Variants in THADA observed in about 807,000 individuals in gnomAD.
THADA encodes tRNA (32-2'-O)-methyltransferase regulator THADA.
THADA carries 213 observed loss-of-function variants against 219.8 expected under a neutral mutation model. That is an observed-to-expected ratio of 0.97 (90% confidence interval 0.87 to 1.09). THADA has a LOEUF of 1.09. Among genes scored for constraint, THADA ranks in the 50% least tolerant of loss-of-function variants. The pLI is 0.00. For synonymous variants in THADA, 1,018 were observed against 828.9 expected (o/e 1.23, Z -3.92); for missense variants, 2,956 against 2,311.3 (o/e 1.28, Z -5.72).
At chr2:43,583,402 A>C (rs1700669303) in intron 7 of THADA, among the ~76,000 whole-genome samples, 1 of 152,210 alleles carries the variant, frequency 6.6e-6, no homozygotes, top group Non-Finnish European at 1.5e-5. Context: ...GGTTATTGCC[A>C]TAGCCTCCTA....
intron 28 of THADA, among the ~76,000 whole-genome samples, chr2:43,421,894 C>A (rs1456419418): frequency 6.6e-6 from 1 of 152,196 alleles, no homozygotes; most frequent in Non-Finnish European, 1.5e-5. Flanking sequence ...ATCCCAACTT[C>A]TTTTCTTTGA....
intron 26 of THADA, among the ~76,000 whole-genome samples, chr2:43,469,209 T>C (rs920025673): frequency 6.6e-6 from 1 of 151,912 alleles, no homozygotes; most frequent in African/African-American, 2.4e-5. Context: ...AACAAAAGCA[T>C]AAAAAGGAAA....
intron 12 of THADA, among the ~76,000 whole-genome samples, 178 bp downstream of exon 12, chr2:43,572,636 T>C (rs17031065): frequency 0.34 from 51,015 of 152,010 alleles, 8,784 homozygotes; most frequent in South Asian, 0.41. Context: ...TCAACTAAAC[T>C]TTCAGTAGCT....
At chr2:43,288,296 T>C (rs550539191) in intron 34 of THADA, among the ~76,000 whole-genome samples, 1 of 152,306 alleles carries the variant, frequency 6.6e-6, no homozygotes, top group East Asian at 1.9e-4. Context: ...CGCGTGCCTG[T>C]AATCCCAGCT....
rs1672342990 is a variant in THADA at position 43,273,279 on chromosome 2, A to G, written c.5296+6486T>C. Among the ~76,000 whole-genome samples, 3 of 152,142 alleles carry G rather than the reference A, an allele frequency of 2.0e-5. No homozygotes were observed. The South Asian group carries it at 6.2e-4, about 31-fold the overall frequency. On this transcript the variant is annotated intron_variant, in intron 36 of 37. Transcript: ENST00000405975. ...ACAACAACAACAACAACAAAAAAAA[A>G]AAAAAGAAGAAAAAGAAATGATGGA...
intron 31 of THADA, among the ~76,000 whole-genome samples, chr2:43,297,669 A>G (rs1339096197): frequency 1.2e-5 from 1 of 84,006 alleles, no homozygotes; most frequent in Non-Finnish European, 2.2e-5. Context: ...AGCCACCCCT[A>G]CTGGGAAGTG....
intron 26 of THADA, among the ~76,000 whole-genome samples, chr2:43,467,699 G>A (rs1003525809): frequency 6.6e-6 from 1 of 152,022 alleles, no homozygotes; most frequent in African/African-American, 2.4e-5. Context: ...GTATAAACTG[G>A]TAAATAAGAA....
chr2:43,575,696 CTAGA>C (rs1329342452), intron 10 of THADA, among the ~76,000 whole-genome samples: 1 of 152,114 alleles, frequency 6.6e-6, no homozygotes, highest in Non-Finnish European at 1.5e-5. Flanking sequence ...GCCCCCATGC[CTAGA>C]TAATTTTTTG....
intron 31 of THADA, among the ~76,000 whole-genome samples, chr2:43,298,606 T>TTAA (rs751570291): frequency 4.1e-5 from 6 of 146,698 alleles, no homozygotes; most frequent in South Asian, 2.1e-4. Context: ...AAAAAAAAAT[T>TTAA]AAAAAAAAAA....
chr2:43,280,056 T>G (rs993309903), intron 35 of THADA, among the ~76,000 whole-genome samples, 160 bp from the exon 36 acceptor site: 1 of 152,126 alleles, frequency 6.6e-6, no homozygotes, highest in African/African-American at 2.4e-5. Context: ...TAGACAAACA[T>G]TGGCAAAGAC....
At chr2:43,433,309 C>T (rs1279628237) in intron 26 of THADA, among the ~76,000 whole-genome samples, 1 of 152,000 alleles carries the variant, frequency 6.6e-6, no homozygotes, top group Non-Finnish European at 1.5e-5. Flanking sequence ...CCGGGTGGAT[C>T]ACCTGAGGTC....
Position 43,392,594 on chromosome 2 carries a change from C to T in THADA, c.4227+5377G>A, listed in dbSNP as rs201144520. On this transcript the variant is annotated intron_variant, in intron 29 of 37. Coordinates refer to ENST00000405975, the MANE Select transcript of THADA (RefSeq NM_022065.5). ...GTAATGCTAAAGTCTACTCCAGTTT[C>T]GGTCTTCATGTGTCCCATCCAGCCC... 1.1e-4 allele frequency among the ~76,000 whole-genome samples: 17 copies of T among 152,194 alleles called. 1 individual carries two copies. The East Asian group carries it at 1.2e-3, about 10-fold the overall frequency.
chr2:43,561,385 A>C (rs1698049093), intron 15 of THADA, among the ~76,000 whole-genome samples: 1 of 152,232 alleles, frequency 6.6e-6, no homozygotes, highest in South Asian at 2.1e-4. Context: ...GAGAAAAAGG[A>C]ATTTCAGCCA....
At chr2:43,278,000 G>A (rs1672921152) in intron 36 of THADA, among the ~76,000 whole-genome samples, 2 of 147,694 alleles carry the variant, frequency 1.4e-5, no homozygotes. Flanking sequence ...ATCCAGGCTG[G>A]AGTACAGTGG....
chr2:43,563,596 G>A (rs747914259), intron 15 of THADA: 1 of 151,988 alleles, frequency 6.6e-6, no homozygotes, highest in Non-Finnish European at 1.5e-5. Flanking sequence ...GAATATCCTC[G>A]GCTGCTTGAC....
chr2:43,472,959 G>C (rs568396084), intron 26 of THADA, among the ~76,000 whole-genome samples: 1 of 152,240 alleles, frequency 6.6e-6, no homozygotes, highest in East Asian at 1.9e-4. Flanking sequence ...ACCACGAATG[G>C]AGCCTGCAGG....
chr2:43,552,916 C>G (rs191213006), intron 17 of THADA, among the ~76,000 whole-genome samples: 2 of 152,016 alleles, frequency 1.3e-5, no homozygotes. Context: ...ATTTATGATA[C>G]GTCCAGAGTA....
At chr2:43,457,233 A>C (rs1443764807) in intron 26 of THADA, among the ~76,000 whole-genome samples, 1 of 151,914 alleles carries the variant, frequency 6.6e-6, no homozygotes, top group Non-Finnish European at 1.5e-5. Flanking sequence ...CGGTATACAC[A>C]ATGCTACTCT....
At chr2:43,364,534 T>A (rs1383835486) in intron 29 of THADA, among the ~76,000 whole-genome samples, 1 of 152,220 alleles carries the variant, frequency 6.6e-6, no homozygotes, top group Non-Finnish European at 1.5e-5. Context: ...ACATTGCCAA[T>A]GCCCCCGTGG....
Sources: gnomAD v4.1 joint callset for allele counts (sites outside exome capture counted in the v4.1 genomes callset) on GRCh38, gnomAD v4.1.1 for gene constraint, MANE v1.5 for transcripts, NCBI Gene and HGNC (gene_info 2026-07-23, HGNC 2026-07-21) for gene names.